Variants in RAD51B observed in about 807,000 individuals in gnomAD.
The protein encoded by RAD51B is RAD51 paralog B.
In RAD51B, 38 loss-of-function variants were observed where a neutral mutation model predicts 42.2. The observed-to-expected ratio is 0.90, with a 90% CI of 0.70 to 1.18. The LOEUF is 1.18. Among genes scored for constraint, RAD51B ranks in the 50% most tolerant of loss-of-function variants. RAD51B has a pLI of 0.00. For synonymous variants in RAD51B, 154 were observed against 145.2 expected (o/e 1.06, Z -0.43); for missense variants, 373 against 400.7 (o/e 0.93, Z 0.59).
At chr14:68,377,395 G>A (rs2083391492) in intron 8 of RAD51B, among the ~76,000 whole-genome samples, 1 of 152,114 alleles carries the variant, frequency 6.6e-6, no homozygotes, top group Non-Finnish European at 1.5e-5. Flanking sequence ...TTTTAGCTCA[G>A]GACCATATTC....
intron 5 of RAD51B, among the ~76,000 whole-genome samples, chr14:67,865,787 C>G (rs906075096): frequency 6.6e-6 from 1 of 152,044 alleles, no homozygotes; most frequent in Non-Finnish European, 1.5e-5. Context: ...ATCCGCCTGC[C>G]TTGGCCTCCC....
chr14:68,008,036 G>A (rs2075620470), intron 7 of RAD51B, among the ~76,000 whole-genome samples: 1 of 151,694 alleles, frequency 6.6e-6, no homozygotes, highest in Non-Finnish European at 1.5e-5. Context: ...GGTAACATAG[G>A]AAATGTAAAT....
intron 10 of RAD51B, among the ~76,000 whole-genome samples, chr14:68,484,523 A>C (rs996726663): frequency 6.6e-6 from 1 of 151,696 alleles, no homozygotes; most frequent in African/African-American, 2.4e-5. Flanking sequence ...ACGCCCGGCT[A>C]ATTTTTTGTA....
intron 7 of RAD51B, among the ~76,000 whole-genome samples, chr14:68,197,316 G>T (rs1461585418): frequency 6.6e-6 from 1 of 151,990 alleles, no homozygotes; most frequent in Non-Finnish European, 1.5e-5. Context: ...TCTTTCAGAC[G>T]GCCTTTCTTT....
intron 7 of RAD51B, among the ~76,000 whole-genome samples, chr14:68,234,671 A>G (rs1224991946): frequency 1.3e-5 from 2 of 152,212 alleles, no homozygotes; most frequent in African/African-American, 4.8e-5. Context: ...CAAAAATGGT[A>G]TATCTATGAG....
intron 7 of RAD51B, among the ~76,000 whole-genome samples, chr14:68,290,440 T>TTATTCCTA (rs1301533982): frequency 3.2e-4 from 48 of 152,260 alleles, no homozygotes; most frequent in African/African-American, 1.2e-3. Context: ...AGGTAGGTTT[T>TTATTCCTA]ACAAATGAGA....
intron 9 of RAD51B, among the ~76,000 whole-genome samples, chr14:68,427,335 C>T (rs750779429): frequency 1.3e-5 from 2 of 152,202 alleles, no homozygotes; most frequent in African/African-American, 2.4e-5. Flanking sequence ...GCCCCAGCCT[C>T]GGACAGCTGA....
At chr14:67,956,229 G>T (rs1327058649) in intron 7 of RAD51B, among the ~76,000 whole-genome samples, 1 of 152,178 alleles carries the variant, frequency 6.6e-6, no homozygotes, top group Non-Finnish European at 1.5e-5. Context: ...GCCGGGTGTG[G>T]TGGCTCACGC....
At chr14:68,371,036 C>CAAAAAAAAAA (rs75617123) in intron 8 of RAD51B, among the ~76,000 whole-genome samples, 6 of 26,040 alleles carry the variant, frequency 2.3e-4, no homozygotes, top group Non-Finnish European at 3.1e-4. Context: ...GACTCTGTCT[C>CAAAAAAAAAA]AAAAAAAAAA....
chr14:68,218,218 A>G (rs1298466170), intron 7 of RAD51B, among the ~76,000 whole-genome samples: 1 of 152,242 alleles, frequency 6.6e-6, no homozygotes, highest in Admixed American at 6.5e-5. Flanking sequence ...GCCAAAAACA[A>G]TTTTAAGACC....
At chr14:67,955,088 T>TA (rs1338164199) in intron 7 of RAD51B, among the ~76,000 whole-genome samples, 1 of 152,052 alleles carries the variant, frequency 6.6e-6, no homozygotes, top group African/African-American at 2.4e-5. Flanking sequence ...AGAAAAGGTG[T>TA]AAAATAGTTG....
chr14:68,003,805 A>T (rs543611989), intron 7 of RAD51B, among the ~76,000 whole-genome samples: 80 of 152,238 alleles, frequency 5.3e-4, no homozygotes, highest in African/African-American at 1.6e-3. Flanking sequence ...TATTTATGTG[A>T]TGAATTACAT....
At chr14:68,496,677 C>G (rs891401411) in intron 10 of RAD51B, among the ~76,000 whole-genome samples, 9 of 152,254 alleles carry the variant, frequency 5.9e-5, no homozygotes, top group African/African-American at 2.2e-4. Flanking sequence ...TGGCGCATGG[C>G]AGGACCATAT....
At chr14:68,100,746 C>T (rs1003007495) in intron 7 of RAD51B, among the ~76,000 whole-genome samples, 5 of 152,122 alleles carry the variant, frequency 3.3e-5, no homozygotes, top group Non-Finnish European at 5.9e-5. Flanking sequence ...CCTTAGAGAT[C>T]ATTGCCCTCT....
chr14:68,170,900 G>C (rs1214497931), intron 7 of RAD51B, among the ~76,000 whole-genome samples: 1 of 152,220 alleles, frequency 6.6e-6, no homozygotes, highest in Non-Finnish European at 1.5e-5. Flanking sequence ...TATTGGGAAT[G>C]ATAACTTCAC....
At chr14:67,820,493 C>G (rs2040588823) in intron 1 of RAD51B, among the ~76,000 whole-genome samples, 1 of 152,142 alleles carries the variant, frequency 6.6e-6, no homozygotes, top group South Asian at 2.1e-4. Context: ...CCAGGGTTGA[C>G]CGTCTCCCCT....
Position 68,090,672 on chromosome 14 carries a change from GATTTTATTT to G in RAD51B, c.757-201198_757-201190del, listed in dbSNP as rs1014080478. ...AAATGTTCATAGTCTGGGTCTGTAT[GATTTTATTT>G]ATTTTATTTATTTATTTATTATTAT... On this transcript the variant is annotated intron_variant, in intron 7 of 10. Coordinates refer to ENST00000471583, the MANE Select transcript of RAD51B (RefSeq NM_133510.4). Among the ~76,000 whole-genome samples the G allele has an allele frequency of 5.0e-4, 75 of 150,598 alleles. 1 individual carries two copies. The highest frequency in any genetic ancestry group is 2.7e-4 in the Admixed American group (4 of 15,080).
intron 8 of RAD51B, among the ~76,000 whole-genome samples, chr14:68,358,822 TA>T (rs2082960590): frequency 1.3e-5 from 2 of 152,226 alleles, no homozygotes; most frequent in African/African-American, 4.8e-5. Context: ...AAGAAATTAT[TA>T]AAAATTATTT....
intron 7 of RAD51B, among the ~76,000 whole-genome samples, chr14:67,967,034 G>A (rs1336760520): frequency 6.6e-6 from 1 of 152,148 alleles, no homozygotes; most frequent in African/African-American, 2.4e-5. Flanking sequence ...GTTCCACTTG[G>A]CTGGGGAGGC....
Sources: allele counts gnomAD v4.1 joint callset (sites outside exome capture counted in the v4.1 genomes callset), GRCh38; gene constraint gnomAD v4.1.1; transcripts MANE v1.5; gene names NCBI Gene and HGNC (gene_info 2026-07-23, HGNC 2026-07-21).